Variants in SYNE1 observed in about 807,000 individuals in gnomAD.
SYNE1 encodes the protein spectrin repeat containing nuclear envelope protein 1.
In SYNE1, 616 loss-of-function variants were observed where a neutral mutation model predicts 1,111.0. The observed-to-expected ratio is 0.55, with a 90% CI of 0.52 to 0.59. SYNE1 has a LOEUF of 0.59. Among genes scored for constraint, SYNE1 ranks in the 20% least tolerant of loss-of-function variants. The pLI, the probability that SYNE1 is intolerant of heterozygous loss-of-function variation, is 0.00. For missense variants in SYNE1, 10,006 were observed against 10,417.0 expected (o/e 0.96, Z 1.72); for synonymous variants, 3,855 against 3,825.8 (o/e 1.01, Z -0.28).
chr6:152,417,139 C>CTAG, intron 40 of SYNE1, 124 bp from the exon 41 acceptor site: 1 of 1,358,340 alleles, frequency 7.4e-7, no homozygotes, highest in Non-Finnish European at 1.0e-6. Flanking sequence ...ACTTAAAGGT[C>CTAG]ATCTACAGTG....
chr6:152,563,895 T>A (rs979572592), intron 3 of SYNE1, among the ~76,000 whole-genome samples: 4 of 152,182 alleles, frequency 2.6e-5, no homozygotes, highest in African/African-American at 4.8e-5. Context: ...AAATTATAAT[T>A]GCCATACTAG....
chr6:152,183,710 C>T (rs1292772822), intron 128 of SYNE1, among the ~76,000 whole-genome samples: 1 of 152,194 alleles, frequency 6.6e-6, no homozygotes, highest in Non-Finnish European at 1.5e-5. Context: ...GGCCTTTACT[C>T]ACCAATATCT....
chr6:152,310,384 A>T lies in SYNE1; in HGVS notation c.17019+12T>A. ...TCCCTGTCCCTATTTACTCCAAGTTAGTTTGGCTTACCTGCCGATGAGAGA... is the reference window on the plus strand; with the variant it reads ...TCCCTGTCCCTATTTACTCCAAGTTTGTTTGGCTTACCTGCCGATGAGAGA... On this transcript the variant is annotated intron_variant, in intron 89 of 145. Coordinates refer to ENST00000367255, the MANE Select transcript of SYNE1 (RefSeq NM_182961.4). The T allele has an allele frequency of 2.5e-6, 4 of 1,614,112 alleles. No homozygotes were observed. The highest frequency in any genetic ancestry group is 3.4e-6 in the Non-Finnish European group (4 of 1,180,040).
Position 152,330,053 on chromosome 6 carries a change from C to T in SYNE1, c.14632G>A (p.Glu4878Lys). The T allele has an allele frequency of 1.2e-6, 2 of 1,614,196 alleles. No individual in the cohort carries two copies. Among genetic ancestry groups the T allele is most frequent in the Non-Finnish European group, 1.7e-6 (2 of 1,180,020 alleles). Residue 4878 changes from glutamate to lysine, a missense_variant, in exon 78 of 146, where the codon GAA (glutamate) becomes AAA (lysine). Glu to Lys is a moderately conservative substitution (Grantham distance 56). This residue lies in a region of SYNE1 where 4,955 missense variants were observed against 5,017.2 expected (regional missense o/e 0.99). Transcript: ENST00000367255. ...LTSAIGETVT[E>K]CESRMVQSID... Reference sequence around the variant, plus strand: ...CTCTGCACCATTCGGCTCTCACATTCTGTCACCGTCTCACCAATGGCAGAA... The same window carrying T: ...CTCTGCACCATTCGGCTCTCACATTTTGTCACCGTCTCACCAATGGCAGAA...
Position 152,369,010 on chromosome 6 carries a change from G to A in SYNE1, c.9769C>T (p.Leu3257=), listed in dbSNP as rs1412292935. ...CTTAGCGCTAGATACTGAGAAGACA[G>A]CTGCGACACTCTGTGCCTAAAGCTC... The part of the protein sequence containing the change: ...SKSFRHRVSQ[L]SSQYLALSNL... The change falls in exon 61 of 146, where the codon CTG becomes TTG. Residue 3257 remains leucine (L), a synonymous_variant. Transcript: ENST00000367255. 1 of 1,614,098 alleles carries A rather than the reference G, an allele frequency of 6.2e-7. No homozygotes were observed. The highest frequency in any genetic ancestry group is 8.5e-7 in the Non-Finnish European group (1 of 1,180,050).
chr6:152,560,965 A>G (rs2099393411), intron 3 of SYNE1, among the ~76,000 whole-genome samples: 1 of 152,210 alleles, frequency 6.6e-6, no homozygotes, highest in African/African-American at 2.4e-5. Context: ...AGTATAGTGA[A>G]TGGTAAAATG....
intron 63 of SYNE1, 152 bp from the exon 64 acceptor site, chr6:152,362,475 G>C: frequency 1.0e-6 from 1 of 998,388 alleles, no homozygotes; most frequent in Admixed American, 2.0e-5. Flanking sequence ...CAGGGCTTAA[G>C]GACACTGAGT....
At chr6:152,549,766 AT>A (rs1244973337) in intron 3 of SYNE1, among the ~76,000 whole-genome samples, 2 of 151,416 alleles carry the variant, frequency 1.3e-5, no homozygotes, top group Non-Finnish European at 2.9e-5. Context: ...GACTGCTTCA[AT>A]TTTTTTTTCA....
intron 3 of SYNE1, among the ~76,000 whole-genome samples, chr6:152,622,019 TAA>T (rs1295797219): frequency 6.6e-5 from 10 of 152,208 alleles, no homozygotes; most frequent in Admixed American, 4.6e-4. Flanking sequence ...TTCAATTCAT[TAA>T]GTTAGGCATA....
intron 125 of SYNE1, among the ~76,000 whole-genome samples, chr6:152,207,456 G>C (rs747795289): frequency 1.3e-5 from 2 of 152,138 alleles, no homozygotes; most frequent in Non-Finnish European, 2.9e-5. Context: ...AGAAACGAAC[G>C]AAAGAACAGT....
chr6:152,583,156 T>C (rs574487103), intron 3 of SYNE1, among the ~76,000 whole-genome samples: 3 of 152,192 alleles, frequency 2.0e-5, no homozygotes, highest in Non-Finnish European at 4.4e-5. Context: ...ATTAAATATA[T>C]ATTTTGAGTT....
rs1346627061 is a variant in SYNE1, at chr6:152,444,224, GAAATGTTTAATATTTAACAGAGAAAGCA to G, written c.3837+159_3837+186del. 2.6e-5 allele frequency among the ~76,000 whole-genome samples: 4 copies of G among 152,250 alleles called. No homozygotes were observed. The East Asian group carries it at 7.7e-4, about 29-fold the overall frequency. ...GGAAATTTATGTTGCAGAATATCCTGAAATGTTTAATATTTAACAGAGAAAGCAAAACCCAGAAGCGCCAAATTCTTTT... is the reference window on the plus strand; with the variant it reads ...GGAAATTTATGTTGCAGAATATCCTGAAACCCAGAAGCGCCAAATTCTTTT... On this transcript the variant is annotated intron_variant, in intron 30 of 145. Coordinates refer to ENST00000367255, the MANE Select transcript of SYNE1 (RefSeq NM_182961.4).
chr6:152,433,983 T>A (rs771448566), intron 33 of SYNE1, 38 bp from the exon 34 acceptor site: 2 of 1,536,938 alleles, frequency 1.3e-6, no homozygotes, highest in Admixed American at 1.8e-5. Flanking sequence ...AACTCAGTAT[T>A]TTAATAGAGA....
chr6:152,435,848 G>A, intron 33 of SYNE1, 93 bp downstream of exon 33: 1 of 1,464,624 alleles, frequency 6.8e-7, no homozygotes, highest in South Asian at 1.2e-5. Context: ...GACACTTTGA[G>A]ATTTTAAAAG....
chr6:152,524,459 T>C (rs1434063247), intron 5 of SYNE1, among the ~76,000 whole-genome samples: 1 of 152,122 alleles, frequency 6.6e-6, no homozygotes, highest in Non-Finnish European at 1.5e-5. Flanking sequence ...AATAGCTTAA[T>C]TCAGGAGGAT....
chr6:152,226,365 C>G (rs1057245121), intron 115 of SYNE1, among the ~76,000 whole-genome samples: 1 of 152,040 alleles, frequency 6.6e-6, no homozygotes, highest in African/African-American at 2.4e-5. Flanking sequence ...GAAATTTCTA[C>G]TGGGTCTCAG....
chr6:152,448,791 A>G lies in SYNE1; in HGVS notation c.3504+742T>C, dbSNP rs557962227. On this transcript the variant is annotated intron_variant, in intron 28 of 145. Coordinates refer to ENST00000367255, the MANE Select transcript of SYNE1 (RefSeq NM_182961.4). ...CAGGAGGTCGAGGCTGAAGTGAGCT[A>G]TGAAGGTGCCACTGCACTCCAAACC... Among the ~76,000 whole-genome samples the G allele has an allele frequency of 2.0e-5, 3 of 152,246 alleles. No homozygotes were observed. In the South Asian group the frequency reaches 6.2e-4, roughly 32 times the overall value.
chr6:152,576,195 T>C (rs1251597243), intron 3 of SYNE1, among the ~76,000 whole-genome samples: 1 of 152,246 alleles, frequency 6.6e-6, no homozygotes, highest in African/African-American at 2.4e-5. Flanking sequence ...ATTCTGTATC[T>C]ATAGGATATA....
intron 62 of SYNE1, 54 bp downstream of exon 62, chr6:152,367,164 T>C: frequency 6.2e-7 from 1 of 1,612,428 alleles, no homozygotes; most frequent in Non-Finnish European, 8.5e-7. Flanking sequence ...GACGGGAAAT[T>C]TTGAGAAAAA....
Sources: allele counts gnomAD v4.1 joint callset (sites outside exome capture counted in the v4.1 genomes callset), GRCh38; gene constraint gnomAD v4.1.1; regional missense constraint gnomAD v4.1.1; transcripts MANE v1.5; gene names NCBI Gene and HGNC (gene_info 2026-07-23, HGNC 2026-07-21).